Variants in DNAJC24 observed in about 807,000 individuals in gnomAD.
DNAJC24 encodes the protein DnaJ heat shock protein family (Hsp40) member C24.
Under a neutral mutation model 18.0 loss-of-function variants are expected in DNAJC24, and 17 were observed. The ratio of observed to expected loss-of-function variants is 0.94; its 90% CI spans 0.65 to 1.42. The LOEUF is 1.42. DNAJC24 is among the 40% of genes most tolerant of loss of function. DNAJC24 has a pLI of 0.00. For synonymous variants in DNAJC24, 55 were observed against 57.7 expected (o/e 0.95, Z 0.21); for missense variants, 158 against 175.6 (o/e 0.90, Z 0.57).
rs1212445284 is a variant in DNAJC24, at chr11:31,374,399, C to T, written c.111+3540C>T. Among the ~76,000 whole-genome samples the T allele has an allele frequency of 2.3e-5, 3 of 131,898 alleles. No homozygotes were observed. The East Asian group carries it at 5.9e-4, about 26-fold the overall frequency. The allele number at this position is 131,898 out of a possible 152,430, so 86.5% of individuals were successfully genotyped here. A position where few individuals can be genotyped will look rare whatever the true frequency, so the allele number is the denominator to read the frequency against. ...TTTAATTTGTTAATGTGGTGAATCA[C>T]GTAGATTTTTCTTAAGTTAAACCCA... On this transcript the variant is annotated intron_variant, in intron 2 of 4. Transcript: ENST00000465995.
intron 2 of DNAJC24, among the ~76,000 whole-genome samples, chr11:31,377,089 A>G (rs1476466316): frequency 4.6e-5 from 7 of 152,154 alleles, no homozygotes; most frequent in Non-Finnish European, 8.8e-5. Context: ...CAGTTGGAGA[A>G]TAAAATTACA....
At chr11:31,415,042 C>A in intron 3 of DNAJC24, 93 bp downstream of exon 3, 1 of 1,385,592 alleles carries the variant, frequency 7.2e-7, no homozygotes, top group Non-Finnish European at 9.7e-7. Context: ...AGCATTTGCA[C>A]CAAGTGTTAT....
chr11:31,385,944 A>G (rs924009969), intron 2 of DNAJC24, among the ~76,000 whole-genome samples: 1 of 152,172 alleles, frequency 6.6e-6, no homozygotes, highest in Non-Finnish European at 1.5e-5. Context: ...TGCTTGGGGA[A>G]GGGAGAGCAC....
At position 31,432,375 on chromosome 11, in the gene DNAJC24, A is replaced by G. The variant is rs1952935611; in HGVS notation, c.*1974A>G. On this transcript the variant is annotated 3_prime_UTR_variant, in exon 5 of 5. Transcript: ENST00000465995. ...AGAATGTGTGTTGAATATTCTTTACATTTAACAATTAAAAACAACTAAAAC... is the reference window on the plus strand; with the variant it reads ...AGAATGTGTGTTGAATATTCTTTACGTTTAACAATTAAAAACAACTAAAAC... 4.8e-6 allele frequency: 3 copies of G among 627,834 alleles called. No individual in the cohort carries two copies. The allele number at this position is 627,834 out of a possible 1,614,324, so 38.9% of individuals were successfully genotyped here. A position where few individuals can be genotyped will look rare whatever the true frequency, so the allele number is the denominator to read the frequency against.
At chr11:31,381,089 T>C (rs1952372576) in intron 2 of DNAJC24, among the ~76,000 whole-genome samples, 2 of 152,182 alleles carry the variant, frequency 1.3e-5, no homozygotes, top group East Asian at 1.9e-4. Flanking sequence ...TCGGGTGTTA[T>C]ATGGGTTTTA....
At chr11:31,377,463 A>G (rs1353502171) in intron 2 of DNAJC24, among the ~76,000 whole-genome samples, 1 of 152,092 alleles carries the variant, frequency 6.6e-6, no homozygotes, top group African/African-American at 2.4e-5. Context: ...CCTGCCGTGT[A>G]ATAGTTTACT....
chr11:31,415,720 A>T (rs1490324514), intron 3 of DNAJC24: 2 of 152,160 alleles, frequency 1.3e-5, no homozygotes, highest in Non-Finnish European at 2.9e-5. Context: ...TGGGGAAAAC[A>T]CTCAGTCGCT....
chr11:31,430,441 G>T lies in DNAJC24; in HGVS notation c.*40G>T. 1 of 1,548,478 alleles carries T rather than the reference G, an allele frequency of 6.5e-7. No homozygotes were observed. Among genetic ancestry groups the T allele is most frequent in the South Asian group, 1.2e-5 (1 of 82,758 alleles). ...TGAAATGCTTTAACTGTGGTATTGA[G>T]ACATGATGAGAAGCCGTTGAGCTTT... On this transcript the variant is annotated 3_prime_UTR_variant, in exon 5 of 5. Coordinates refer to ENST00000465995, the MANE Select transcript of DNAJC24 (RefSeq NM_181706.5).
intron 2 of DNAJC24, among the ~76,000 whole-genome samples, chr11:31,385,998 C>T (rs1389820413): frequency 6.6e-6 from 1 of 152,038 alleles, no homozygotes. Flanking sequence ...TGTGTCACAG[C>T]GGAAAGCAAC....
intron 2 of DNAJC24, among the ~76,000 whole-genome samples, chr11:31,413,326 CTTTTTTTTTT>C (rs1226979464): frequency 7.9e-6 from 1 of 126,374 alleles, no homozygotes; most frequent in South Asian, 2.5e-4. Context: ...TAAATACTAT[CTTTTTTTTTT>C]TTTTTTTTTT....
At chr11:31,412,281 G>A (rs1952717080) in intron 2 of DNAJC24, among the ~76,000 whole-genome samples, 1 of 151,996 alleles carries the variant, frequency 6.6e-6, no homozygotes, top group South Asian at 2.1e-4. Flanking sequence ...TCCTATATTG[G>A]CCCATGACAA....
intron 3 of DNAJC24, among the ~76,000 whole-genome samples, chr11:31,420,214 G>A (rs928331151): frequency 5.3e-5 from 8 of 151,950 alleles, no homozygotes; most frequent in African/African-American, 9.7e-5. Flanking sequence ...CCAGACACAC[G>A]TCTGTTTATA....
At chr11:31,396,450 T>G (rs918257405) in intron 2 of DNAJC24, 1 of 330,716 alleles carries the variant, frequency 3.0e-6, no homozygotes, top group Admixed American at 3.8e-5. Context: ...GAGGAGTTCA[T>G]AACTCAAAAA....
rs1952916169 is a variant in DNAJC24 at position 31,430,904 on chromosome 11, A to G, written c.*503A>G. ...TTCATAAGGTTATTTCAAAGTTAATAAAGACAAAGTGGCAACTGTAGAAAG... is the reference window on the plus strand; with the variant it reads ...TTCATAAGGTTATTTCAAAGTTAATGAAGACAAAGTGGCAACTGTAGAAAG... On this transcript the variant is annotated 3_prime_UTR_variant, in exon 5 of 5. Coordinates refer to ENST00000465995, the MANE Select transcript of DNAJC24 (RefSeq NM_181706.5). 6.6e-6 allele frequency: 1 copy of G among 152,636 alleles called. No homozygotes were observed. The highest frequency in any genetic ancestry group is 2.4e-5 in the African/African-American group (1 of 41,466). The allele number at this position is 152,636 out of a possible 1,614,324, so 9.5% of individuals were successfully genotyped here.
At chr11:31,390,508 C>A (rs945691157) in intron 2 of DNAJC24, among the ~76,000 whole-genome samples, 1 of 151,222 alleles carries the variant, frequency 6.6e-6, no homozygotes, top group South Asian at 2.1e-4. Context: ...GAGATCGAGA[C>A]CTTCCTAGCC....
chr11:31,384,724 C>G (rs993702953), intron 2 of DNAJC24: 4 of 152,208 alleles, frequency 2.6e-5, no homozygotes, highest in African/African-American at 9.6e-5. Flanking sequence ...TCCTCAGAGG[C>G]TATCCAGCTG....
intron 2 of DNAJC24, among the ~76,000 whole-genome samples, chr11:31,381,660 C>T (rs562956265): frequency 2.6e-5 from 4 of 151,856 alleles, no homozygotes; most frequent in South Asian, 2.1e-4. Flanking sequence ...TTGCAACCTC[C>T]GCCTTCCCAG....
intron 2 of DNAJC24, among the ~76,000 whole-genome samples, chr11:31,397,482 T>C (rs1952553470): frequency 6.8e-6 from 1 of 148,098 alleles, no homozygotes; most frequent in Non-Finnish European, 1.5e-5. Context: ...TTGTGATTTT[T>C]TTTTTTTTTT....
intron 2 of DNAJC24, among the ~76,000 whole-genome samples, chr11:31,401,317 A>G (rs1591911217): frequency 6.6e-6 from 1 of 152,188 alleles, no homozygotes; most frequent in South Asian, 2.1e-4. Flanking sequence ...TTTGAAAAAC[A>G]CCAATACCTA....
Sources: gnomAD v4.1 joint callset for allele counts (sites outside exome capture counted in the v4.1 genomes callset) on GRCh38, gnomAD v4.1.1 for gene constraint, MANE v1.5 for transcripts, NCBI Gene and HGNC (gene_info 2026-07-23, HGNC 2026-07-21) for gene names.